KCNIP4: variants seen among roughly 807,000 people sequenced by gnomAD.
The protein encoded by KCNIP4 is Kv channel-interacting protein 4.
In KCNIP4, 12 loss-of-function variants were observed where a neutral mutation model predicts 34.0. That is an observed-to-expected ratio of 0.35 (90% CI 0.23 to 0.57). The LOEUF is 0.57. Ranked by LOEUF, KCNIP4 falls within the 20% of genes least tolerant of loss-of-function variation. The probability of loss-of-function intolerance (pLI) is 0.83; values close to 1 mark genes in which losing one functional copy is unlikely to be tolerated. For synonymous variants in KCNIP4, 124 were observed against 102.2 expected (o/e 1.21, Z -1.29); for missense variants, 238 against 311.7 (o/e 0.76, Z 1.78).
rs886838642 is a variant in KCNIP4, at chr4:20,764,294, CAA to C, written c.289-5406_289-5405del. Reference sequence around the variant, plus strand: ...CCGTAGAAATAAAGTTTTAATAAGACAAAATTATAGCATTTTATGTTCTTTAA... The same window carrying C: ...CCGTAGAAATAAAGTTTTAATAAGACAATTATAGCATTTTATGTTCTTTAA... On this transcript the variant is annotated intron_variant, in intron 3 of 8. Coordinates refer to ENST00000382152, the MANE Select transcript of KCNIP4 (RefSeq NM_025221.6). 3.3e-5 allele frequency among the ~76,000 whole-genome samples: 5 copies of C among 152,114 alleles called. No individual in the cohort carries two copies. The East Asian group carries it at 7.7e-4, about 24-fold the overall frequency.
At chr4:21,108,113 C>A (rs771308800) in intron 1 of KCNIP4, among the ~76,000 whole-genome samples, 1 of 151,248 alleles carries the variant, frequency 6.6e-6, no homozygotes, top group Non-Finnish European at 1.5e-5. Flanking sequence ...ATCTTTGTGG[C>A]GTTCTCTGTA....
intron 1 of KCNIP4, among the ~76,000 whole-genome samples, chr4:21,443,599 C>G (rs929568380): frequency 6.6e-6 from 1 of 152,154 alleles, no homozygotes; most frequent in African/African-American, 2.4e-5. Context: ...AGACTACAAC[C>G]TAGAAACCTT....
At chr4:21,887,268 T>C (rs1726829547) in intron 1 of KCNIP4, among the ~76,000 whole-genome samples, 1 of 152,066 alleles carries the variant, frequency 6.6e-6, no homozygotes, top group African/African-American at 2.4e-5. Context: ...AGACCAGGGT[T>C]CCAGCACGGT....
At chr4:21,493,249 C>G (rs1332993798) in intron 1 of KCNIP4, among the ~76,000 whole-genome samples, 5 of 152,100 alleles carry the variant, frequency 3.3e-5, no homozygotes, top group African/African-American at 1.2e-4. Flanking sequence ...CCCACAGCCT[C>G]TAAACACTGG....
chr4:20,760,543 A>G (rs1578554606), intron 3 of KCNIP4, among the ~76,000 whole-genome samples: 3 of 152,210 alleles, frequency 2.0e-5, no homozygotes. Context: ...CCTTTGATAC[A>G]TAAACAGTGT....
chr4:21,703,263 G>C (rs965628470), intron 1 of KCNIP4, among the ~76,000 whole-genome samples: 2 of 151,962 alleles, frequency 1.3e-5, no homozygotes, highest in African/African-American at 4.8e-5. Flanking sequence ...AATGAGGTAA[G>C]AAAAGAAACT....
At chr4:21,766,387 G>A (rs994179644) in intron 1 of KCNIP4, among the ~76,000 whole-genome samples, 44 of 152,012 alleles carry the variant, frequency 2.9e-4, no homozygotes, top group Non-Finnish European at 6.0e-4. Flanking sequence ...AGGATTACTC[G>A]ATTGTAAGAG....
At chr4:21,168,309 G>A (rs1248768162) in intron 1 of KCNIP4, among the ~76,000 whole-genome samples, 3 of 152,078 alleles carry the variant, frequency 2.0e-5, no homozygotes, top group East Asian at 1.9e-4. Flanking sequence ...GTAGTGTCAG[G>A]GAACCACAAG....
chr4:21,362,602 T>C (rs944617752), intron 1 of KCNIP4, among the ~76,000 whole-genome samples: 11 of 151,994 alleles, frequency 7.2e-5, no homozygotes, highest in African/African-American at 2.7e-4. Flanking sequence ...GAGATAAAGA[T>C]TGAATTAAAA....
intron 1 of KCNIP4, among the ~76,000 whole-genome samples, chr4:20,917,212 A>G (rs1728941477): frequency 6.6e-6 from 1 of 150,592 alleles, no homozygotes; most frequent in Admixed American, 6.6e-5. Flanking sequence ...TAATTTTTGT[A>G]TTTTTAGTAG....
intron 1 of KCNIP4, among the ~76,000 whole-genome samples, chr4:21,073,463 C>T (rs1220514708): frequency 2.0e-5 from 3 of 152,094 alleles, no homozygotes; most frequent in Non-Finnish European, 4.4e-5. Flanking sequence ...TATAAGAATG[C>T]TTGTGATTTT....
In KCNIP4 at chr4:21,286,525, C is replaced by T. The variant is rs116149407; in HGVS notation, c.62-403816G>A. Among the ~76,000 whole-genome samples the T allele has an allele frequency of 5.3e-3, 807 of 152,240 alleles. 6 individuals are homozygous for T. Among genetic ancestry groups the T allele is most frequent in the African/African-American group, 0.019 (781 of 41,538 alleles). Reference sequence around the variant, plus strand: ...AAAGGGAATCCTTCAGAGAGTGAGGCACCTCATTTCTATTTTAAACTATAG... The same window carrying T: ...AAAGGGAATCCTTCAGAGAGTGAGGTACCTCATTTCTATTTTAAACTATAG... On this transcript the variant is annotated intron_variant, in intron 1 of 8. Coordinates refer to ENST00000382152, the MANE Select transcript of KCNIP4 (RefSeq NM_025221.6).
At chr4:21,866,072 T>C (rs1359719465) in intron 1 of KCNIP4, among the ~76,000 whole-genome samples, 1 of 152,050 alleles carries the variant, frequency 6.6e-6, no homozygotes, top group East Asian at 1.9e-4. Context: ...ATTTCAGAAA[T>C]GATTGCCACG....
intron 1 of KCNIP4, among the ~76,000 whole-genome samples, chr4:21,218,085 G>A (rs964905500): frequency 2.0e-5 from 3 of 150,824 alleles, no homozygotes; most frequent in Non-Finnish European, 4.4e-5. Context: ...GTAGGATCTC[G>A]GCTACCCACA....
intron 1 of KCNIP4, among the ~76,000 whole-genome samples, chr4:21,287,944 T>C (rs1763218864): frequency 6.6e-6 from 1 of 152,250 alleles, no homozygotes; most frequent in Non-Finnish European, 1.5e-5. Flanking sequence ...TTTAATGATT[T>C]GCCTGATTCT....
chr4:21,644,208 T>G (rs1577745124), intron 1 of KCNIP4, among the ~76,000 whole-genome samples: 1 of 152,108 alleles, frequency 6.6e-6, no homozygotes, highest in African/African-American at 2.4e-5. Flanking sequence ...GTTTGGATTC[T>G]ACAATTGTAA....
intron 1 of KCNIP4, chr4:21,657,016 A>C (rs1748011262): frequency 6.6e-6 from 1 of 152,212 alleles, no homozygotes; most frequent in Admixed American, 6.5e-5. Flanking sequence ...TTAACTGCTC[A>C]CATCACTGCT....
At chr4:21,871,680 C>T (rs931542058) in intron 1 of KCNIP4, among the ~76,000 whole-genome samples, 3 of 152,026 alleles carry the variant, frequency 2.0e-5, no homozygotes, top group African/African-American at 7.2e-5. Flanking sequence ...TCCAATTTCT[C>T]ATCCTCCACC....
chr4:21,803,293 G>A (rs954834176), intron 1 of KCNIP4, among the ~76,000 whole-genome samples: 1 of 152,028 alleles, frequency 6.6e-6, no homozygotes, highest in Non-Finnish European at 1.5e-5. Context: ...ATATATCCAA[G>A]AAGAGTCTAC....
Sources: gnomAD v4.1 joint callset for allele counts (sites outside exome capture counted in the v4.1 genomes callset) on GRCh38, gnomAD v4.1.1 for gene constraint, MANE v1.5 for transcripts, NCBI Gene and HGNC (gene_info 2026-07-23, HGNC 2026-07-21) for gene names.